MARCHF5: variants seen among roughly 807,000 people sequenced by gnomAD.
MARCHF5 encodes membrane associated ring-CH-type finger 5.
MARCHF5 carries 5 observed loss-of-function variants against 36.5 expected under a neutral mutation model. The ratio of observed to expected loss-of-function variants is 0.14; its 90% CI spans 0.07 to 0.29. The LOEUF is 0.29. Ranked by LOEUF, MARCHF5 falls within the 10% of genes least tolerant of loss-of-function variation. The pLI is 1.00. For missense variants in MARCHF5, 179 were observed against 336.3 expected (o/e 0.53, Z 3.66); for synonymous variants, 103 against 109.9 (o/e 0.94, Z 0.39).
chr10:92,329,779 C>T (rs1843415279), intron 2 of MARCHF5, among the ~76,000 whole-genome samples: 1 of 152,116 alleles, frequency 6.6e-6, no homozygotes, highest in East Asian at 1.9e-4. Flanking sequence ...ATTTAAAAAC[C>T]TAAGTCCTAT....
chr10:92,321,446 A>G (rs1843287829), intron 2 of MARCHF5, among the ~76,000 whole-genome samples: 2 of 152,052 alleles, frequency 1.3e-5, no homozygotes, highest in African/African-American at 4.8e-5. Flanking sequence ...GGTTCCTGGG[A>G]TAAGTTCTAC....
At chr10:92,291,577 G>T in intron 1 of MARCHF5, 48 bp downstream of exon 1, 3 of 1,489,922 alleles carry the variant, frequency 2.0e-6, no homozygotes, top group Non-Finnish European at 1.8e-6. Flanking sequence ...CCTCGCTCTG[G>T]CCCTGCCCGC....
chr10:92,318,698 ATCTTT>A (rs1226832062), intron 2 of MARCHF5, among the ~76,000 whole-genome samples: 1 of 151,706 alleles, frequency 6.6e-6, no homozygotes, highest in Non-Finnish European at 1.5e-5. Flanking sequence ...AAATCATCCA[ATCTTT>A]TCTTTTTTTT....
At chr10:92,348,379 C>T (rs1590670437) in intron 3 of MARCHF5, among the ~76,000 whole-genome samples, 1 of 151,820 alleles carries the variant, frequency 6.6e-6, no homozygotes, top group Non-Finnish European at 1.5e-5. Context: ...ATCCCAGCTA[C>T]TCGGGAGGCT....
At chr10:92,343,239 T>C (rs573410112) in intron 3 of MARCHF5, among the ~76,000 whole-genome samples, 1 of 152,310 alleles carries the variant, frequency 6.6e-6, no homozygotes, top group South Asian at 2.1e-4. Context: ...CCTTCTAGTC[T>C]TCTGTGTACT....
chr10:92,336,050 T>C (rs867480589), intron 2 of MARCHF5, among the ~76,000 whole-genome samples: 20 of 152,206 alleles, frequency 1.3e-4, no homozygotes, highest in African/African-American at 4.8e-4. Context: ...TTTGGTTTTT[T>C]CTGAGACGGA....
intron 3 of MARCHF5, among the ~76,000 whole-genome samples, chr10:92,346,977 T>G (rs1276333657): frequency 6.6e-6 from 1 of 152,118 alleles, no homozygotes; most frequent in Non-Finnish European, 1.5e-5. Context: ...TTGCTAACAC[T>G]TTGAGAATAT....
At chr10:92,318,262 A>G (rs1417774290) in intron 2 of MARCHF5, among the ~76,000 whole-genome samples, 1 of 151,674 alleles carries the variant, frequency 6.6e-6, no homozygotes, top group Non-Finnish European at 1.5e-5. Context: ...CTCCATCTCT[A>G]CTAAAAATAC....
intron 3 of MARCHF5, among the ~76,000 whole-genome samples, chr10:92,343,948 C>A (rs1669553347): frequency 6.6e-6 from 1 of 152,074 alleles, no homozygotes; most frequent in African/African-American, 2.4e-5. Flanking sequence ...GGATGATTTA[C>A]TAAGACTGAG....
chr10:92,307,945 T>C lies in MARCHF5; in HGVS notation c.36-3190T>C, dbSNP rs796704516. Among the ~76,000 whole-genome samples the C allele has an allele frequency of 3.9e-3, 520 of 132,814 alleles. 1 individual carries two copies. Among genetic ancestry groups the C allele is most frequent in the East Asian group, 5.1e-3 (23 of 4,482 alleles). 87.1% of individuals were successfully genotyped at this position (132,814 alleles called of 152,430 possible). ...GAGAGGATTATTTATGCTTCCCCCC[T>C]TTTTTTTTTTTTTGAGATGGAGTCT... On this transcript the variant is annotated intron_variant, in intron 1 of 5. Coordinates refer to ENST00000358935, the MANE Select transcript of MARCHF5 (RefSeq NM_017824.5).
At chr10:92,349,880 A>G in intron 5 of MARCHF5, 43 bp downstream of exon 5, 1 of 1,505,556 alleles carries the variant, frequency 6.6e-7, no homozygotes, top group Non-Finnish European at 9.1e-7. Flanking sequence ...TGCAAAAGAG[A>G]ATGAAGTGTA....
At chr10:92,318,376 A>G (rs950243782) in intron 2 of MARCHF5, among the ~76,000 whole-genome samples, 5 of 151,652 alleles carry the variant, frequency 3.3e-5, no homozygotes, top group African/African-American at 4.8e-5. Flanking sequence ...CAGTGTATCA[A>G]GAGAATGCCA....
intron 2 of MARCHF5, among the ~76,000 whole-genome samples, chr10:92,315,863 T>A (rs1307102469): frequency 6.6e-6 from 1 of 152,236 alleles, no homozygotes; most frequent in East Asian, 1.9e-4. Flanking sequence ...TGATAGTGTT[T>A]TCTTAACTTA....
At chr10:92,311,652 C>G (rs1425389237) in intron 2 of MARCHF5, among the ~76,000 whole-genome samples, 1 of 151,756 alleles carries the variant, frequency 6.6e-6, no homozygotes, top group Non-Finnish European at 1.5e-5. Flanking sequence ...AAAAAAAAAA[C>G]TAACTTAGCT....
intron 3 of MARCHF5, among the ~76,000 whole-genome samples, chr10:92,343,419 GT>G (rs1231215307): frequency 6.6e-6 from 1 of 152,122 alleles, no homozygotes; most frequent in Non-Finnish European, 1.5e-5. Context: ...TAGATTATCT[GT>G]TTAACTTTTC....
intron 2 of MARCHF5, among the ~76,000 whole-genome samples, chr10:92,313,407 A>G (rs1325117746): frequency 6.6e-6 from 1 of 151,928 alleles, no homozygotes; most frequent in Non-Finnish European, 1.5e-5. Context: ...GATCGAGACC[A>G]TCCTGGCTAA....
At chr10:92,299,432 T>C (rs1311689664) in intron 1 of MARCHF5, among the ~76,000 whole-genome samples, 1 of 152,162 alleles carries the variant, frequency 6.6e-6, no homozygotes, top group Admixed American at 6.5e-5. Context: ...CCTGAACATA[T>C]CCTGCTCTTT....
chr10:92,320,079 G>T (rs1843273011), intron 2 of MARCHF5, among the ~76,000 whole-genome samples: 1 of 150,196 alleles, frequency 6.7e-6, no homozygotes, highest in Non-Finnish European at 1.5e-5. Context: ...ATAGAGACAG[G>T]GTCTTACTGT....
At chr10:92,304,925 G>C (rs1168895187) in intron 1 of MARCHF5, among the ~76,000 whole-genome samples, 2 of 152,146 alleles carry the variant, frequency 1.3e-5, no homozygotes, top group Non-Finnish European at 2.9e-5. Context: ...TGGCTCCAAA[G>C]TCCAGGTTCT....
Sources: gnomAD v4.1 joint callset for allele counts (sites outside exome capture counted in the v4.1 genomes callset) on GRCh38, gnomAD v4.1.1 for gene constraint, MANE v1.5 for transcripts, NCBI Gene and HGNC (gene_info 2026-07-23, HGNC 2026-07-21) for gene names.